Variants in PAAF1 observed in about 807,000 individuals in gnomAD.
PAAF1 encodes the protein proteasomal ATPase-associated factor 1.
PAAF1 carries 46 observed loss-of-function variants against 52.8 expected under a neutral mutation model. The observed-to-expected ratio is 0.87, with a 90% CI of 0.69 to 1.11. PAAF1 has a LOEUF of 1.11. Among genes scored for constraint, PAAF1 ranks in the 50% most tolerant of loss-of-function variants. The pLI, the probability that PAAF1 is intolerant of heterozygous loss-of-function variation, is 0.00. For missense variants in PAAF1, 424 were observed against 477.4 expected (o/e 0.89, Z 1.04); for synonymous variants, 178 against 172.8 (o/e 1.03, Z -0.24).
intron 2 of PAAF1, 81 bp downstream of exon 2, chr11:73,878,900 T>G: frequency 1.5e-6 from 2 of 1,343,432 alleles, no homozygotes; most frequent in Non-Finnish European, 2.1e-6. Flanking sequence ...TACTTTCTCC[T>G]GGCCCAGCCT....
At chr11:73,889,099 A>G (rs1403852877) in intron 3 of PAAF1, 3 of 1,060,314 alleles carry the variant, frequency 2.8e-6, no homozygotes, top group African/African-American at 3.1e-5. Flanking sequence ...TAGCACTACC[A>G]TGCAAGCCTA....
At chr11:73,909,260 A>G (rs944714857) in intron 6 of PAAF1, 139 bp from the exon 7 acceptor site, 6 of 662,912 alleles carry the variant, frequency 9.1e-6, no homozygotes, top group Non-Finnish European at 1.5e-5. Flanking sequence ...TTTTTCTAGC[A>G]CTTGAACATG....
intron 4 of PAAF1, among the ~76,000 whole-genome samples, chr11:73,894,664 TAAAA>T (rs570011206): frequency 6.8e-6 from 1 of 147,456 alleles, no homozygotes. Context: ...AAAATAAAAA[TAAAA>T]AAAAAATCAG....
intron 5 of PAAF1, 110 bp from the exon 6 acceptor site, chr11:73,900,160 T>C: frequency 8.7e-7 from 1 of 1,149,816 alleles, no homozygotes; most frequent in Non-Finnish European, 1.2e-6. Flanking sequence ...AAACCCAGCA[T>C]GTGGGTTTAG....
intron 4 of PAAF1, among the ~76,000 whole-genome samples, chr11:73,896,688 A>C (rs1412519851): frequency 4.6e-5 from 7 of 152,132 alleles, no homozygotes; most frequent in African/African-American, 1.7e-4. Flanking sequence ...AAAGTCTCCC[A>C]TGTCTACCTC....
At chr11:73,903,186 C>T (rs145032822) in intron 6 of PAAF1, among the ~76,000 whole-genome samples, 1 of 152,280 alleles carries the variant, frequency 6.6e-6, no homozygotes, top group African/African-American at 2.4e-5. Context: ...GACATGAAGT[C>T]AGATCCAGGC....
chr11:73,894,503 G>A (rs372032974), intron 4 of PAAF1, among the ~76,000 whole-genome samples: 10 of 152,190 alleles, frequency 6.6e-5, no homozygotes, highest in African/African-American at 2.4e-4. Context: ...GGAGGGAAGG[G>A]ATAGCATTAG....
At chr11:73,919,060 T>A (rs754990230) in intron 10 of PAAF1, 28 bp downstream of exon 10, 28 of 1,530,302 alleles carry the variant, frequency 1.8e-5, no homozygotes, top group Admixed American at 5.4e-5. Flanking sequence ...TTGAGAGAGA[T>A]GCTTCTCTGT....
intron 7 of PAAF1, 80 bp from the exon 8 acceptor site, chr11:73,914,333 C>T: frequency 1.8e-6 from 2 of 1,142,792 alleles, no homozygotes; most frequent in Non-Finnish European, 2.6e-6. Context: ...AATCAGTAAT[C>T]AACCATCAGT....
chr11:73,925,865 C>T (rs1950340481), intron 11 of PAAF1, among the ~76,000 whole-genome samples: 1 of 152,148 alleles, frequency 6.6e-6, no homozygotes, highest in African/African-American at 2.4e-5. Flanking sequence ...TCCTTTACGA[C>T]CTTTTTGGTT....
intron 2 of PAAF1, among the ~76,000 whole-genome samples, chr11:73,881,202 C>A (rs1313980072): frequency 6.6e-6 from 1 of 152,078 alleles, no homozygotes; most frequent in Non-Finnish European, 1.5e-5. Context: ...GCTAAAAAAG[C>A]AATCTAAGAG....
intron 10 of PAAF1, among the ~76,000 whole-genome samples, chr11:73,924,004 T>TACACAC (rs113973014): frequency 0.15 from 21,912 of 149,772 alleles, 1,877 homozygotes; most frequent in African/African-American, 0.25. Context: ...AGTTTATAAA[T>TACACAC]ACACACACAC....
intron 3 of PAAF1, among the ~76,000 whole-genome samples, chr11:73,890,306 A>G (rs1565128691): frequency 6.6e-6 from 1 of 152,122 alleles, no homozygotes; most frequent in Non-Finnish European, 1.5e-5. Context: ...AAACGCCAAT[A>G]TTCTTACCTA....
At position 73,916,547 on chromosome 11, in the gene PAAF1, G is replaced by A; in HGVS notation, c.822G>A (p.Val274=). 6.2e-7 allele frequency: 1 copy of A among 1,608,220 alleles called. No homozygotes were observed. The change falls in exon 9 of 12, where the codon GTG becomes GTA. Residue 274 remains valine, a splice_region_variant and synonymous_variant. Coordinates refer to ENST00000310571, the MANE Select transcript of PAAF1 (RefSeq NM_025155.3). ...TTTTGCCTCCTACTTGTTCCCAGGTGTTCCTCTTTATTGGCTCAGACGCTT... is the reference window on the plus strand; with the variant it reads ...TTTTGCCTCCTACTTGTTCCCAGGTATTCCTCTTTATTGGCTCAGACGCTT... ...QCLGLQSRQL[V]FLFIGSDAFN...
At chr11:73,886,123 TCTTA>T (rs761975004) in intron 2 of PAAF1, among the ~76,000 whole-genome samples, 7 of 152,202 alleles carry the variant, frequency 4.6e-5, no homozygotes, top group Non-Finnish European at 8.8e-5. Flanking sequence ...TAGGATAGTA[TCTTA>T]CTTAGCCCAT....
At chr11:73,908,319 GTATATATGTA>G (rs1421463515) in intron 6 of PAAF1, among the ~76,000 whole-genome samples, 13 of 137,036 alleles carry the variant, frequency 9.5e-5, no homozygotes, top group East Asian at 6.1e-4. Flanking sequence ...ATATATATGT[GTATATATGTA>G]TATATATGTG....
chr11:73,877,972 T>G (rs1260483416), intron 1 of PAAF1, among the ~76,000 whole-genome samples: 1 of 152,248 alleles, frequency 6.6e-6, no homozygotes, highest in African/African-American at 2.4e-5. Flanking sequence ...ACTATTCCAG[T>G]TATTTCTCTA....
intron 11 of PAAF1, among the ~76,000 whole-genome samples, 165 bp from the exon 12 acceptor site, chr11:73,927,120 A>G (rs759999168): frequency 3.3e-5 from 5 of 152,188 alleles, no homozygotes; most frequent in Non-Finnish European, 5.9e-5. Flanking sequence ...ATCCATCACT[A>G]TGGGCCAACA....
chr11:73,924,463 G>T (rs1049635972), intron 10 of PAAF1, 152 bp from the exon 11 acceptor site: 6 of 620,676 alleles, frequency 9.7e-6, no homozygotes, highest in Middle Eastern at 4.4e-4. Context: ...CAAAAAAAAA[G>T]TTGGCCCACG....
Sources: allele counts gnomAD v4.1 joint callset (sites outside exome capture counted in the v4.1 genomes callset), GRCh38; gene constraint gnomAD v4.1.1; transcripts MANE v1.5; gene names NCBI Gene and HGNC (gene_info 2026-07-23, HGNC 2026-07-21).